SYTL3: variants seen among roughly 807,000 people sequenced by gnomAD.
SYTL3 encodes the protein synaptotagmin-like protein 3.
In SYTL3, 88 loss-of-function variants were observed where a neutral mutation model predicts 82.1. The observed-to-expected ratio is 1.07, with a 90% CI of 0.90 to 1.28. The LOEUF (loss-of-function observed/expected upper bound fraction) is 1.28, where lower values mean the gene tolerates loss of function less well. Among genes scored for constraint, SYTL3 ranks in the 50% most tolerant of loss-of-function variants. The probability of loss-of-function intolerance (pLI) is 0.00; values close to 1 mark genes in which losing one functional copy is unlikely to be tolerated. For synonymous variants in SYTL3, 311 were observed against 289.4 expected, an observed-to-expected ratio of 1.07 and a Z score of -0.76; for missense variants, 831 against 757.6, an observed-to-expected ratio of 1.10 and a Z score of -1.14.
At chr6:158,706,632 C>T (rs1333313998) in intron 6 of SYTL3, among the ~76,000 whole-genome samples, 1 of 152,160 alleles carries the variant, frequency 6.6e-6, no homozygotes, top group African/African-American at 2.4e-5. Flanking sequence ...GGCCAGGGAA[C>T]ACTGTGTTCA....
In SYTL3 at chr6:158,753,433, T is replaced by A. The variant is rs185613420; in HGVS notation, c.1137+1403T>A. On this transcript the variant is annotated intron_variant, in intron 13 of 17. Coordinates refer to ENST00000611299, the MANE Select transcript of SYTL3 (RefSeq NM_001242394.2). ...CTGTACTTAGAACTGGGGATTTTTT[T>A]AAAATGCAGATTCTGGGCCGGGCGC... Among the ~76,000 whole-genome samples the A allele has an allele frequency of 6.9e-3, 1,051 of 151,924 alleles. 19 individuals are homozygous for A. The highest frequency in any genetic ancestry group is 6.4e-3 in the Non-Finnish European group (438 of 67,964).
At chr6:158,719,467 T>C (rs1027296452) in intron 10 of SYTL3, among the ~76,000 whole-genome samples, 1 of 152,178 alleles carries the variant, frequency 6.6e-6, no homozygotes, top group Non-Finnish European at 1.5e-5. Flanking sequence ...CGCAGATGCA[T>C]TTTTGGTGAA....
rs370290065 is a variant in SYTL3, at chr6:158,741,074, G to GT, written c.856-4400dup. 4.6e-5 allele frequency among the ~76,000 whole-genome samples: 7 copies of GT among 152,210 alleles called. No homozygotes were observed. In the East Asian group the frequency reaches 1.4e-3, roughly 29 times the overall value. On this transcript the variant is annotated intron_variant, in intron 11 of 17. Coordinates refer to ENST00000611299, the MANE Select transcript of SYTL3 (RefSeq NM_001242394.2). ...CCTGATTTGTTCAACTTTTGTTTTT[G>GT]TTTTTTGCTTTGAGATGGAGTCTCG...
chr6:158,683,943 A>G (rs184602516), intron 6 of SYTL3, among the ~76,000 whole-genome samples: 1 of 152,298 alleles, frequency 6.6e-6, no homozygotes, highest in East Asian at 1.9e-4. Flanking sequence ...CTGAGGCAAA[A>G]CTAATACAGG....
At chr6:158,657,461 A>G (rs1179914424) in intron 2 of SYTL3, among the ~76,000 whole-genome samples, 3 of 151,680 alleles carry the variant, frequency 2.0e-5, no homozygotes, top group East Asian at 3.8e-4. Flanking sequence ...GAAAAAGAAA[A>G]AAGAAAAAAA....
At chr6:158,700,205 G>A (rs1314702706) in intron 6 of SYTL3, among the ~76,000 whole-genome samples, 5 of 152,080 alleles carry the variant, frequency 3.3e-5, no homozygotes, top group Admixed American at 6.6e-5. Context: ...GCGGTGAGCC[G>A]AGATCGCACC....
At chr6:158,759,030 C>T (rs929299804) in intron 14 of SYTL3, among the ~76,000 whole-genome samples, 1 of 152,204 alleles carries the variant, frequency 6.6e-6, no homozygotes, top group African/African-American at 2.4e-5. Flanking sequence ...CCTGAGTTTC[C>T]AGCCTGAACT....
chr6:158,745,801 G>A (rs1298980710), intron 12 of SYTL3, 143 bp downstream of exon 12: 2 of 724,982 alleles, frequency 2.8e-6, no homozygotes, highest in Admixed American at 6.4e-5. Context: ...TTATAAAGCT[G>A]TAGCAATGCA....
intron 13 of SYTL3, among the ~76,000 whole-genome samples, chr6:158,754,588 C>T (rs1343673097): frequency 1.3e-5 from 2 of 152,168 alleles, no homozygotes; most frequent in Middle Eastern, 3.2e-3. Flanking sequence ...GGCACAGTGG[C>T]GGGCACCTGT....
At chr6:158,764,435 T>G in intron 17 of SYTL3, 60 bp from the exon 18 acceptor site, 38 of 1,267,312 alleles carry the variant, frequency 3.0e-5, no homozygotes, top group Non-Finnish European at 3.9e-5. Flanking sequence ...TTTAAAGGGA[T>G]GAGAGGGGAT....
At chr6:158,645,897 T>C (rs1253856024), upstream of SYTL3, among the ~76,000 whole-genome samples, 3 of 152,306 alleles carry the variant, frequency 2.0e-5, no homozygotes, top group East Asian at 1.9e-4. Context: ...AGAGCCATTC[T>C]GTGACCACGG....
chr6:158,693,867 T>TC (rs1460586124), intron 6 of SYTL3, among the ~76,000 whole-genome samples: 4 of 129,490 alleles, frequency 3.1e-5, no homozygotes, highest in African/African-American at 9.5e-5. Context: ...TTTTTTTTTT[T>TC]TTTTTTGTAG....
At chr6:158,729,620 T>G (rs985187409) in intron 11 of SYTL3, among the ~76,000 whole-genome samples, 8 of 150,774 alleles carry the variant, frequency 5.3e-5, no homozygotes, top group Non-Finnish European at 1.0e-4. Context: ...AGGCTGGAGT[T>G]TAGTGGTGCG....
rs763990639 is a variant in SYTL3 at position 158,693,844 on chromosome 6, C to CTTTTACTTTTTTTTTTTTTTT, written c.394+10859_394+10860insACTTTTTTTTTTTTTTTTTTT. 2.6e-3 allele frequency among the ~76,000 whole-genome samples: 145 copies of CTTTTACTTTTTTTTTTTTTTT among 55,546 alleles called. 6 individuals carry two copies. Among genetic ancestry groups the CTTTTACTTTTTTTTTTTTTTT allele is most frequent in the African/African-American group, 4.7e-3 (40 of 8,498 alleles). 36.4% of individuals were successfully genotyped at this position (55,546 alleles called of 152,430 possible). A position where few individuals can be genotyped will look rare whatever the true frequency, so the allele number is the denominator to read the frequency against. ...AGGTGTGCCACTGCATCCAGCCTTT[C>CTTTTACTTTTTTTTTTTTTTT]TTTTTCTTTTCTTTTTTTTTTTTTT... On this transcript the variant is annotated intron_variant, in intron 6 of 17. Coordinates refer to ENST00000611299, the MANE Select transcript of SYTL3 (RefSeq NM_001242394.2).
In SYTL3 at chr6:158,752,025, T is replaced by C. The variant is rs775781604; in HGVS notation, c.1132T>C (p.Leu378=). The part of the protein sequence containing the change: ...NTVDPTFQET[L]KYQVAPAQLV... The stretch of plus-strand genomic sequence containing the variant: ...CGTGGACCCGACCTTTCAGGAGACC[T>C]TGAAGGTACTTGCTGGACAGATATT... Residue 378 remains leucine (L), a synonymous_variant, in exon 13 of 18, where the codon TTG becomes CTG. Coordinates refer to ENST00000611299, the MANE Select transcript of SYTL3 (RefSeq NM_001242394.2). 1.3e-6 allele frequency: 2 copies of C among 1,592,154 alleles called. No individual in the cohort carries two copies. Among genetic ancestry groups the C allele is most frequent in the African/African-American group, 2.7e-5 (2 of 73,558 alleles).
intron 10 of SYTL3, among the ~76,000 whole-genome samples, chr6:158,723,654 A>G (rs1784389918): frequency 6.6e-6 from 1 of 152,236 alleles, no homozygotes; most frequent in Non-Finnish European, 1.5e-5. Flanking sequence ...ACTTTCTTCT[A>G]GTAAAACTCA....
intron 12 of SYTL3, among the ~76,000 whole-genome samples, chr6:158,749,410 A>AAG (rs1788093045): frequency 4.0e-5 from 4 of 99,932 alleles, no homozygotes; most frequent in African/African-American, 1.3e-4. Context: ...AAAAAAAAAA[A>AAG]GAAAGAAAAA....
chr6:158,728,384 T>C (rs1784991789), intron 11 of SYTL3, among the ~76,000 whole-genome samples: 1 of 152,160 alleles, frequency 6.6e-6, no homozygotes. Flanking sequence ...ACAGTGACTT[T>C]GGCATCTTGG....
rs149302785 is a variant in SYTL3 at position 158,729,723 on chromosome 6, C to T, written c.855+4086C>T. 9.1e-3 allele frequency among the ~76,000 whole-genome samples: 1,390 copies of T among 151,946 alleles called. 12 individuals carry two copies. Among genetic ancestry groups the T allele is most frequent in the African/African-American group, 0.031 (1,274 of 41,482 alleles). ...CTGGGACTACAGGCGCCCGCCACCA[C>T]GCCCGGCTAATCTTTTGTATTTTTA... is the stretch of plus-strand genomic sequence containing the variant. On this transcript the variant is annotated intron_variant, in intron 11 of 17. Coordinates refer to ENST00000611299, the MANE Select transcript of SYTL3 (RefSeq NM_001242394.2).
Sources: gnomAD v4.1 joint callset for allele counts (sites outside exome capture counted in the v4.1 genomes callset) on GRCh38, gnomAD v4.1.1 for gene constraint, MANE v1.5 for transcripts, NCBI Gene and HGNC (gene_info 2026-07-23, HGNC 2026-07-21) for gene names.